Variants in DCP1B observed in about 807,000 individuals in gnomAD.
The protein encoded by DCP1B is mRNA-decapping enzyme 1B.
In DCP1B, 47 loss-of-function variants were observed where a neutral mutation model predicts 60.5. The ratio of observed to expected loss-of-function variants is 0.78; its 90% confidence interval spans 0.61 to 0.99. DCP1B has a LOEUF of 0.99. Among genes scored for constraint, DCP1B ranks in the 50% least tolerant of loss-of-function variants. The pLI, the probability that DCP1B is intolerant of heterozygous loss-of-function variation, is 0.00. For missense variants in DCP1B, 725 were observed against 756.8 expected, an observed-to-expected ratio of 0.96 and a Z score of 0.49; for synonymous variants, 267 against 280.3, an observed-to-expected ratio of 0.95 and a Z score of 0.47.
rs761686825 is a variant in DCP1B, at chr12:1,959,213, AG to A, written c.523-3654del. On this transcript the variant is annotated intron_variant, in intron 5 of 8. Transcript: ENST00000280665. ...GCTTTTTCGATGTGACCCTAAGGAC[AG>A]GCAACAAAAGCAAGAGACACACAGG... Among the ~76,000 whole-genome samples, 53 of 152,376 alleles carry A rather than the reference AG, an allele frequency of 3.5e-4. No homozygotes were observed. The Middle Eastern group carries it at 0.014, about 39-fold the overall frequency.
intron 1 of DCP1B, among the ~76,000 whole-genome samples, chr12:2,000,400 A>C (rs1274212774): frequency 1.3e-5 from 2 of 152,126 alleles, no homozygotes; most frequent in Non-Finnish European, 2.9e-5. Context: ...ATATCAGCAC[A>C]CATAAAACTA....
chr12:1,986,553 G>A (rs2037840720), intron 3 of DCP1B, among the ~76,000 whole-genome samples: 1 of 152,182 alleles, frequency 6.6e-6, no homozygotes, highest in Non-Finnish European at 1.5e-5. Flanking sequence ...CCACCACAGT[G>A]GCAGTTCAGC....
intron 3 of DCP1B, among the ~76,000 whole-genome samples, chr12:1,983,524 G>A (rs1340065787): frequency 1.3e-5 from 2 of 151,858 alleles, no homozygotes; most frequent in African/African-American, 2.4e-5. Context: ...AATATTTGGG[G>A]ATATTCCAGA....
At chr12:1,979,024 T>C (rs1383818282) in intron 3 of DCP1B, among the ~76,000 whole-genome samples, 1 of 152,184 alleles carries the variant, frequency 6.6e-6, no homozygotes, top group Non-Finnish European at 1.5e-5. Context: ...TGTGTGGACA[T>C]GTGCTTTCGG....
At position 1,992,891 on chromosome 12, in the gene DCP1B, T is replaced by G. The variant is rs142245668; in HGVS notation, c.319+373A>C. 9.3e-4 allele frequency: 464 copies of G among 497,902 alleles called. 3 individuals carry two copies. Among genetic ancestry groups the G allele is most frequent in the Non-Finnish European group, 2.1e-4 (60 of 282,450 alleles). The allele number at this position is 497,902 out of a possible 1,614,324, so 30.8% of individuals were successfully genotyped here. A position where few individuals can be genotyped will look rare whatever the true frequency, so the allele number is the denominator to read the frequency against. ...AGTGATACATAAAGAAAAAGTGCCA[T>G]AGCAGACTCGTTAATTCTTCGTTCA... On this transcript the variant is annotated intron_variant, in intron 3 of 8. Transcript: ENST00000280665.
At chr12:2,003,479 T>C (rs2042655375) in intron 1 of DCP1B, among the ~76,000 whole-genome samples, 1 of 152,230 alleles carries the variant, frequency 6.6e-6, no homozygotes, top group South Asian at 2.1e-4. Context: ...AAATTACATG[T>C]CTCTACATTC....
intron 1 of DCP1B, among the ~76,000 whole-genome samples, chr12:2,001,340 C>T (rs2042157079): frequency 6.6e-6 from 1 of 152,098 alleles, no homozygotes; most frequent in Non-Finnish European, 1.5e-5. Flanking sequence ...GTTACCAGTC[C>T]TGGGGTATTT....
chr12:1,957,662 T>C (rs2030934250), intron 5 of DCP1B, among the ~76,000 whole-genome samples: 1 of 152,212 alleles, frequency 6.6e-6, no homozygotes, highest in Non-Finnish European at 1.5e-5. Context: ...TTTGGTTATT[T>C]TACTGTTCAC....
At position 1,953,124 on chromosome 12, in the gene DCP1B, G is replaced by A. The variant is rs201016401; in HGVS notation, c.816C>T (p.Arg272=). 129 of 1,613,576 alleles carry A rather than the reference G, an allele frequency of 8.0e-5. No homozygotes were observed. The highest frequency in any genetic ancestry group is 1.0e-4 in the Non-Finnish European group (123 of 1,179,994). Residue 272 remains arginine, a synonymous_variant, in exon 7 of 9, where the codon CGC becomes CGT. Coordinates refer to ENST00000280665, the MANE Select transcript of DCP1B (RefSeq NM_152640.5). ...TTCTGGGTTCCTCATAGGACAGGGA[G>A]CGTACAACCCCCTGCCTAATTGGAA... ...EKLPIRQGVV[R]SLSYEEPRRH...
Position 1,958,453 on chromosome 12 carries a change from T to C in DCP1B, c.523-2893A>G, listed in dbSNP as rs1205206654. Among the ~76,000 whole-genome samples, 306 of 99,336 alleles carry C rather than the reference T, an allele frequency of 3.1e-3. No individual in the cohort carries two copies. In the Middle Eastern group the frequency reaches 0.033, roughly 11 times the overall value. The allele number at this position is 99,336 out of a possible 152,430, so 65.2% of individuals were successfully genotyped here. ...GGAAGGAAACAGGGGAAAAGCTCCC[T>C]AACGTCGCTCTGGGCAATGGCTTTT... On this transcript the variant is annotated intron_variant, in intron 5 of 8. Transcript: ENST00000280665.
chr12:1,970,531 G>A (rs2031940451), intron 3 of DCP1B, among the ~76,000 whole-genome samples: 1 of 152,168 alleles, frequency 6.6e-6, no homozygotes, highest in Non-Finnish European at 1.5e-5. Context: ...CATTCCCCTG[G>A]GAAAGAGGCT....
At chr12:1,943,727 TA>T, downstream of DCP1B, among the ~76,000 whole-genome samples, 1 of 152,118 alleles carries the variant, frequency 6.6e-6, no homozygotes, top group Non-Finnish European at 1.5e-5. Context: ...AGGCCTTCGA[TA>T]AAATTCAACA....
chr12:1,993,122 TA>T, intron 3 of DCP1B, 141 bp downstream of exon 3: 1 of 1,112,536 alleles, frequency 9.0e-7, no homozygotes, highest in Non-Finnish European at 1.4e-6. Context: ...ATGCATTTCC[TA>T]AACATTAACA....
chr12:2,003,203 C>A (rs1390167664), intron 1 of DCP1B, among the ~76,000 whole-genome samples: 3 of 152,014 alleles, frequency 2.0e-5, no homozygotes, highest in Non-Finnish European at 2.9e-5. Context: ...CTACAGGCTG[C>A]TGAACTATAC....
intron 7 of DCP1B, among the ~76,000 whole-genome samples, chr12:1,950,896 T>C (rs1005590101): frequency 6.6e-6 from 1 of 152,116 alleles, no homozygotes; most frequent in African/African-American, 2.4e-5. Flanking sequence ...GATTCTCCTA[T>C]CTTAACCTCC....
chr12:1,982,994 T>C (rs1284029440), intron 3 of DCP1B, among the ~76,000 whole-genome samples: 1 of 152,084 alleles, frequency 6.6e-6, no homozygotes, highest in South Asian at 2.1e-4. Context: ...TTGAGTTAAT[T>C]CTGATGATTT....
Position 1,949,221 on chromosome 12 carries a change from C to CAAG in DCP1B, c.1635_1637dup (p.Leu545_Leu546insPhe), listed in dbSNP as rs770535391. ...CAGGTGGCTCCTGGCCTCCCACAGGCAAGAGGCCGCTCTCCCTTTCCTTTG... is the reference window on the plus strand; with the variant it reads ...CAGGTGGCTCCTGGCCTCCCACAGGCAAGAAGAGGCCGCTCTCCCTTTCCTTTG... On this transcript the variant is annotated inframe_insertion, in exon 8 of 9. Coordinates refer to ENST00000280665, the MANE Select transcript of DCP1B (RefSeq NM_152640.5). The CAAG allele has an allele frequency of 6.2e-7, 1 of 1,614,154 alleles. No homozygotes were observed. Among genetic ancestry groups the CAAG allele is most frequent in the Admixed American group, 1.7e-5 (1 of 60,018 alleles).
chr12:1,989,346 AGAGCAGGAGCAG>A (rs370112885), intron 3 of DCP1B, among the ~76,000 whole-genome samples: 31 of 152,262 alleles, frequency 2.0e-4, no homozygotes, highest in South Asian at 2.1e-4. Context: ...TCTAAAGAGC[AGAGCAGGAGCAG>A]GAGCAGGAGC....
rs1031989302 is a variant in DCP1B at position 1,971,938 on chromosome 12, T to A, written c.320-4028A>T. On this transcript the variant is annotated intron_variant, in intron 3 of 8. Transcript: ENST00000280665. The surrounding 1 kb of genome is among the most constrained non-coding windows in gnomAD (Gnocchi z 4.2). Reference sequence around the variant, plus strand: ...GGACATGTGATAATGTTTGTGTAAATTTTTAAAAGAAGATATATATCCATT... The same window carrying A: ...GGACATGTGATAATGTTTGTGTAAAATTTTAAAAGAAGATATATATCCATT... 6.6e-6 allele frequency among the ~76,000 whole-genome samples: 1 copy of A among 152,238 alleles called. No individual in the cohort carries two copies. The highest frequency in any genetic ancestry group is 1.5e-5 in the Non-Finnish European group (1 of 68,040).
Sources: allele counts gnomAD v4.1 joint callset (sites outside exome capture counted in the v4.1 genomes callset), GRCh38; gene constraint gnomAD v4.1.1; non-coding constraint Gnocchi (gnomAD v3.1); transcripts MANE v1.5; gene names NCBI Gene and HGNC (gene_info 2026-07-23, HGNC 2026-07-21).